PTK2B: variants seen among roughly 807,000 people sequenced by gnomAD.
PTK2B encodes protein-tyrosine kinase 2-beta.
A neutral mutation model predicts 142.9 loss-of-function variants in PTK2B; 71 were observed. That is an observed-to-expected ratio of 0.50 (90% CI 0.41 to 0.61). The LOEUF (loss-of-function observed/expected upper bound fraction) is 0.61. PTK2B is among the 20% of genes least tolerant of loss of function. PTK2B has a pLI of 0.00. For synonymous variants in PTK2B, 519 were observed against 503.4 expected (o/e 1.03, Z -0.42); for missense variants, 1,105 against 1,320.4 (o/e 0.84, Z 2.53).
chr8:27,437,946 G>A (rs1414691196), intron 18 of PTK2B, 66 bp downstream of exon 18: 1 of 1,350,632 alleles, frequency 7.4e-7, no homozygotes, highest in African/African-American at 1.4e-5. Context: ...AAGGCCTCTG[G>A]GTAGAAGCAG....
At chr8:27,451,745 GC>G in intron 27 of PTK2B, 1 of 1,384,322 alleles carries the variant, frequency 7.2e-7, no homozygotes, top group Non-Finnish European at 9.3e-7. Context: ...ACATCCTTAG[GC>G]CCCTCCTCAG....
chr8:27,431,200 T>C (rs895651753), intron 8 of PTK2B, 184 bp downstream of exon 8: 19 of 1,469,640 alleles, frequency 1.3e-5, no homozygotes, highest in Admixed American at 2.3e-5. Context: ...CACTGAAATG[T>C]TGGCCTCCAG....
chr8:27,414,279 C>T (rs993023374), intron 2 of PTK2B, among the ~76,000 whole-genome samples: 2 of 151,232 alleles, frequency 1.3e-5, no homozygotes, highest in Non-Finnish European at 2.9e-5. Context: ...CAGTCTCACT[C>T]TGTTGCCCAG....
intron 7 of PTK2B, 56 bp from the exon 8 acceptor site, chr8:27,430,820 A>G: frequency 6.3e-7 from 1 of 1,588,222 alleles, no homozygotes; most frequent in Non-Finnish European, 8.6e-7. Flanking sequence ...CCCTAAGGGA[A>G]GGAGTGAGAC....
intron 1 of PTK2B, among the ~76,000 whole-genome samples, chr8:27,327,410 G>GTT (rs5890365): frequency 3.3e-5 from 5 of 149,988 alleles, no homozygotes; most frequent in African/African-American, 1.2e-4. Flanking sequence ...GCACTCAATG[G>GTT]TTTTTTTTTT....
rs1018897484 is a variant in PTK2B at position 27,341,134 on chromosome 8, C to T, written c.-38+15453C>T. Among the ~76,000 whole-genome samples the T allele has an allele frequency of 5.9e-5, 9 of 152,274 alleles. No individual in the cohort carries two copies. In the East Asian group the frequency reaches 1.4e-3, roughly 23 times the overall value. On this transcript the variant is annotated intron_variant, in intron 1 of 30. Coordinates refer to ENST00000346049, the MANE Select transcript of PTK2B (RefSeq NM_173176.3). ...GAAGGCGCTGTGGTGGAGGGAAGGG[C>T]ATCCTCATGTTCTACCTCCCCGGGT...
chr8:27,439,980 G>GTGGTC (rs1811055211), intron 20 of PTK2B, among the ~76,000 whole-genome samples: 2 of 152,146 alleles, frequency 1.3e-5, no homozygotes, highest in African/African-American at 4.8e-5. Flanking sequence ...CCAATAGCAT[G>GTGGTC]CCATGACTGC....
intron 1 of PTK2B, among the ~76,000 whole-genome samples, chr8:27,385,197 G>T (rs1472421116): frequency 6.6e-6 from 1 of 152,200 alleles, no homozygotes; most frequent in South Asian, 2.1e-4. Flanking sequence ...CATGGAAAGT[G>T]CTAGCCCAGG....
Position 27,455,406 on chromosome 8 carries a change from G to T in PTK2B, c.2814+795G>T, listed in dbSNP as rs117646861. Among the ~76,000 whole-genome samples the T allele has an allele frequency of 1.2e-4, 19 of 152,282 alleles. No homozygotes were observed. The East Asian group carries it at 3.5e-3, about 28-fold the overall frequency. On this transcript the variant is annotated intron_variant, in intron 30 of 30. Coordinates refer to ENST00000346049, the MANE Select transcript of PTK2B (RefSeq NM_173176.3). ...TGGCAAAACCATACAAAAATTAGCT[G>T]GGCGTGGTGGCCTGTGCCTATAGTC... is the stretch of plus-strand genomic sequence containing the variant.
intron 2 of PTK2B, among the ~76,000 whole-genome samples, chr8:27,406,692 G>T (rs974569770): frequency 1.6e-4 from 24 of 152,118 alleles, no homozygotes; most frequent in African/African-American, 5.8e-4. Context: ...GTGGGCTGTT[G>T]CCATGGGTGA....
intron 1 of PTK2B, chr8:27,396,124 G>C (rs1808034850): frequency 6.6e-6 from 1 of 152,200 alleles, no homozygotes; most frequent in Non-Finnish European, 1.5e-5. Context: ...GCCTGCCCCT[G>C]ACCTGAAGGA....
chr8:27,361,460 G>A (rs1805698560), intron 1 of PTK2B, among the ~76,000 whole-genome samples: 1 of 152,150 alleles, frequency 6.6e-6, no homozygotes, highest in African/African-American at 2.4e-5. Flanking sequence ...CTGGCCTCAA[G>A]CGATGCTCCC....
intron 1 of PTK2B, among the ~76,000 whole-genome samples, chr8:27,387,506 A>G (rs1807440992): frequency 6.6e-6 from 1 of 152,148 alleles, no homozygotes; most frequent in South Asian, 2.1e-4. Flanking sequence ...CTGCGTTCCC[A>G]TGACTCACTC....
rs2565047 is a variant in PTK2B, at chr8:27,431,108, G to A, written c.810+92G>A. On this transcript the variant is annotated intron_variant, in intron 8 of 30. Transcript: ENST00000346049. Reference sequence around the variant, plus strand: ...GAGGGGGCAGGGAGAGGCTGCAATCGCTGCAGATTCTCACTCAGGCAGCAG... The same window carrying A: ...GAGGGGGCAGGGAGAGGCTGCAATCACTGCAGATTCTCACTCAGGCAGCAG... 471 of 1,525,742 alleles carry A rather than the reference G, an allele frequency of 3.1e-4. 1 individual carries two copies. Among genetic ancestry groups the A allele is most frequent in the Non-Finnish European group, 3.9e-4 (438 of 1,128,024 alleles). The allele number at this position is 1,525,742 out of a possible 1,614,324, so 94.5% of individuals were successfully genotyped here. A position where few individuals can be genotyped will look rare whatever the true frequency, so the allele number is the denominator to read the frequency against.
chr8:27,438,962 C>T lies in PTK2B; in HGVS notation c.1644-69C>T, dbSNP rs557288110. ...TTGGTCTCTTTTTCCATCTGTCTGT[C>T]CATCTCTCTGTTCCTGCTCCCATGG... On this transcript the variant is annotated intron_variant, in intron 18 of 30. Transcript: ENST00000346049. 4 of 1,374,844 alleles carry T rather than the reference C, an allele frequency of 2.9e-6. No individual in the cohort carries two copies. In the South Asian group the frequency reaches 3.5e-5, roughly 12 times the overall value. 85.2% of individuals were successfully genotyped at this position (1,374,844 alleles called of 1,614,324 possible). A position where few individuals can be genotyped will look rare whatever the true frequency, so the allele number is the denominator to read the frequency against.
intron 1 of PTK2B, among the ~76,000 whole-genome samples, chr8:27,378,934 A>G (rs1806843185): frequency 6.6e-6 from 1 of 152,138 alleles, no homozygotes. Context: ...CAATGAACAA[A>G]GAGCTAAAGG....
At chr8:27,320,289 G>A (rs1272084218) in intron 3 of PTK2B, among the ~76,000 whole-genome samples, 2 of 152,058 alleles carry the variant, frequency 1.3e-5, no homozygotes, top group South Asian at 2.1e-4. Context: ...CAAGGACCCC[G>A]TCTTTAGCTA....
At chr8:27,313,056 T>G (rs1265978743) in intron 2 of PTK2B, 3 of 152,250 alleles carry the variant, frequency 2.0e-5, no homozygotes, top group Non-Finnish European at 4.4e-5. Flanking sequence ...AATTCCCACG[T>G]GTCAAGGGAG....
chr8:27,385,948 GGA>G (rs961531701), intron 1 of PTK2B, among the ~76,000 whole-genome samples: 2 of 150,076 alleles, frequency 1.3e-5, no homozygotes, highest in African/African-American at 4.9e-5. Context: ...TTGATGCATA[GGA>G]GAGAGGTCCA....
Sources: gnomAD v4.1 joint callset for allele counts (sites outside exome capture counted in the v4.1 genomes callset) on GRCh38, gnomAD v4.1.1 for gene constraint, MANE v1.5 for transcripts, NCBI Gene and HGNC (gene_info 2026-07-23, HGNC 2026-07-21) for gene names.